Variants in MET observed in about 807,000 individuals in gnomAD.
The protein encoded by MET is MET proto-oncogene, receptor tyrosine kinase.
MET carries 48 observed loss-of-function variants against 133.1 expected under a neutral mutation model. The ratio of observed to expected loss-of-function variants is 0.36; its 90% CI spans 0.29 to 0.46. The LOEUF is 0.46. Ranked by LOEUF, MET falls within the 20% of genes least tolerant of loss-of-function variation. The pLI is 1.00. For synonymous variants in MET, 628 were observed against 616.5 expected (o/e 1.02, Z -0.28); for missense variants, 1,442 against 1,695.9 (o/e 0.85, Z 2.63).
At chr7:116,749,902 G>C (rs1793847906) in intron 5 of MET, among the ~76,000 whole-genome samples, 2 of 152,046 alleles carry the variant, frequency 1.3e-5, no homozygotes, top group African/African-American at 4.8e-5. Flanking sequence ...CAACTTACAA[G>C]GGATGAAAAG....
intron 2 of MET, among the ~76,000 whole-genome samples, chr7:116,716,487 AAG>A (rs1452737690): frequency 7.1e-6 from 1 of 140,604 alleles, no homozygotes; most frequent in African/African-American, 2.7e-5. Context: ...GAAAGAAAGA[AAG>A]AAAGAAAGAA....
chr7:116,678,927 G>A (rs1222543450), intron 1 of MET, among the ~76,000 whole-genome samples: 1 of 152,130 alleles, frequency 6.6e-6, no homozygotes, highest in East Asian at 1.9e-4. Context: ...AAAATAGGAA[G>A]TTGGTTTTTG....
At chr7:116,759,193 C>A (rs1256710095) in intron 9 of MET, 198 bp from the exon 10 acceptor site, 2 of 706,190 alleles carry the variant, frequency 2.8e-6, no homozygotes, top group Non-Finnish European at 4.5e-6. Context: ...ATTTCTTAAG[C>A]TTATGAAATA....
chr7:116,767,855 T>G (rs1035152966), intron 11 of MET, among the ~76,000 whole-genome samples: 1 of 151,074 alleles, frequency 6.6e-6, no homozygotes, highest in African/African-American at 2.4e-5. Context: ...TGACAAAAAT[T>G]AGCCTATACC....
chr7:116,781,956 G>C, intron 17 of MET, 32 bp from the exon 18 acceptor site: 2 of 1,361,194 alleles, frequency 1.5e-6, no homozygotes, highest in Non-Finnish European at 2.1e-6. Context: ...TAGATGCTTA[G>C]TTTATGCTTT....
chr7:116,746,188 A>T (rs1793674040), intron 5 of MET, among the ~76,000 whole-genome samples: 2 of 152,264 alleles, frequency 1.3e-5, no homozygotes, highest in South Asian at 4.1e-4. Flanking sequence ...AATGCTCATT[A>T]TCACTGGCCA....
chr7:116,773,987 T>G (rs1009590181), intron 14 of MET, among the ~76,000 whole-genome samples: 1 of 152,220 alleles, frequency 6.6e-6, no homozygotes, highest in South Asian at 2.1e-4. Flanking sequence ...TACATACTAA[T>G]ACATTTCAAT....
chr7:116,760,016 A>G (rs928542592), intron 10 of MET, among the ~76,000 whole-genome samples: 2 of 152,176 alleles, frequency 1.3e-5, no homozygotes, highest in Non-Finnish European at 2.9e-5. Context: ...ACCTCAAATG[A>G]TCTGCCCACC....
intron 3 of MET, among the ~76,000 whole-genome samples, chr7:116,732,540 G>A (rs1319450660): frequency 6.6e-6 from 1 of 152,150 alleles, no homozygotes; most frequent in Admixed American, 6.5e-5. Flanking sequence ...GGTTTTTGCT[G>A]TTTTGTAGTT....
At chr7:116,783,599 A>G (rs1418262887) in intron 19 of MET, 130 bp downstream of exon 19, 2 of 933,642 alleles carry the variant, frequency 2.1e-6, no homozygotes, top group Non-Finnish European at 3.3e-6. Context: ...ATATGTAAAA[A>G]TGGACTTGTC....
intron 1 of MET, among the ~76,000 whole-genome samples, chr7:116,672,956 T>G (rs894272365): frequency 6.6e-6 from 1 of 152,146 alleles, no homozygotes; most frequent in East Asian, 1.9e-4. Flanking sequence ...CCGAGCTGTT[T>G]CCTTGTTCCC....
chr7:116,715,061 C>T (rs184618579), intron 2 of MET, among the ~76,000 whole-genome samples: 1 of 152,106 alleles, frequency 6.6e-6, no homozygotes, highest in South Asian at 2.1e-4. Flanking sequence ...ACTAGACCAA[C>T]AATAGTGATA....
intron 1 of MET, among the ~76,000 whole-genome samples, chr7:116,690,940 T>G (rs1796761926): frequency 6.6e-6 from 1 of 152,250 alleles, no homozygotes; most frequent in African/African-American, 2.4e-5. Context: ...TCATTAGGAA[T>G]CTTCTATTGG....
At chr7:116,681,592 A>G (rs1315749816) in intron 1 of MET, among the ~76,000 whole-genome samples, 2 of 152,242 alleles carry the variant, frequency 1.3e-5, no homozygotes, top group Non-Finnish European at 2.9e-5. Context: ...ACGAATTTAG[A>G]CAGTGATATA....
intron 5 of MET, among the ~76,000 whole-genome samples, chr7:116,752,118 T>C (rs1053890103): frequency 6.6e-6 from 1 of 151,970 alleles, no homozygotes; most frequent in East Asian, 1.9e-4. Context: ...ACAGAACTAT[T>C]CATTGATCAG....
intron 2 of MET, among the ~76,000 whole-genome samples, chr7:116,727,327 G>A (rs983704657): frequency 7.2e-5 from 11 of 152,172 alleles, no homozygotes; most frequent in Admixed American, 7.2e-4. Context: ...AATGGGAACT[G>A]GGCACTGTGA....
At position 116,774,844 on chromosome 7, in the gene MET, T is replaced by C. The variant is rs771383250; in HGVS notation, c.3029-37T>C. On this transcript the variant is annotated intron_variant, in intron 14 of 20. Coordinates refer to ENST00000397752, the MANE Select transcript of MET (RefSeq NM_000245.4). The stretch of plus-strand genomic sequence containing the variant: ...TTTCAGTCCCCATTAAATGAGGTTT[T>C]ACTGTTGTTCTTTAATAATTTTCCT... 5.3e-6 allele frequency: 8 copies of C among 1,520,744 alleles called. No individual in the cohort carries two copies. The East Asian group carries it at 1.4e-4, about 26-fold the overall frequency. 94.2% of individuals were successfully genotyped at this position (1,520,744 alleles called of 1,614,324 possible).
intron 19 of MET, among the ~76,000 whole-genome samples, chr7:116,784,815 A>G (rs888651810): frequency 6.6e-6 from 1 of 152,006 alleles, no homozygotes; most frequent in South Asian, 2.1e-4. Flanking sequence ...CAAAATCTTA[A>G]CTCATTCCAA....
intron 11 of MET, among the ~76,000 whole-genome samples, chr7:116,763,538 C>T (rs373340716): frequency 3.1e-4 from 47 of 152,180 alleles, no homozygotes; most frequent in South Asian, 6.2e-4. Context: ...AGAGGATCCG[C>T]GTCATGCATT....
Sources: allele counts gnomAD v4.1 joint callset (sites outside exome capture counted in the v4.1 genomes callset), GRCh38; gene constraint gnomAD v4.1.1; transcripts MANE v1.5; gene names NCBI Gene and HGNC (gene_info 2026-07-23, HGNC 2026-07-21).